ADAMTS9: variants seen among roughly 807,000 people sequenced by gnomAD.
ADAMTS9 encodes A disintegrin and metalloproteinase with thrombospondin motifs 9.
Under a neutral mutation model 257.1 loss-of-function variants are expected in ADAMTS9, and 107 were observed. The observed-to-expected ratio is 0.42, with a 90% CI of 0.36 to 0.49. The LOEUF (loss-of-function observed/expected upper bound fraction) is 0.49, where lower values mean the gene tolerates loss of function less well. Among genes scored for constraint, ADAMTS9 ranks in the 20% least tolerant of loss-of-function variants. ADAMTS9 has a pLI of 0.03. For synonymous variants in ADAMTS9, 982 were observed against 880.9 expected, an observed-to-expected ratio of 1.11 and a Z score of -2.03; for missense variants, 2,353 against 2,469.1, an observed-to-expected ratio of 0.95 and a Z score of 1.00.
At chr3:64,626,740 C>G (rs1700231330) in intron 16 of ADAMTS9, among the ~76,000 whole-genome samples, 1 of 152,078 alleles carries the variant, frequency 6.6e-6, no homozygotes, top group South Asian at 2.1e-4. Context: ...AGATCCCAAC[C>G]CATAGTAGGT....
intron 3 of ADAMTS9, among the ~76,000 whole-genome samples, chr3:64,674,092 G>GT (rs11315795): frequency 1.5e-3 from 84 of 55,768 alleles, no homozygotes; most frequent in African/African-American, 5.3e-3. Context: ...TAACACTAAA[G>GT]TTTTTTTTTA....
chr3:64,588,788 G>C (rs1047678480), intron 28 of ADAMTS9: 1 of 152,140 alleles, frequency 6.6e-6, no homozygotes. Context: ...TACAATCTCT[G>C]TAAATACTGA....
At chr3:64,628,462 C>G (rs558861712) in intron 16 of ADAMTS9, among the ~76,000 whole-genome samples, 2 of 152,168 alleles carry the variant, frequency 1.3e-5, no homozygotes, top group Admixed American at 6.6e-5. Flanking sequence ...GCATGCAATG[C>G]TGTTTCATTT....
At chr3:64,681,545 A>G (rs1288392737) in intron 2 of ADAMTS9, among the ~76,000 whole-genome samples, 182 bp from the exon 3 acceptor site, 1 of 152,184 alleles carries the variant, frequency 6.6e-6, no homozygotes, top group Non-Finnish European at 1.5e-5. Flanking sequence ...ACTCTCTGTC[A>G]TATCAGTATA....
At chr3:64,608,279 A>C (rs2084598633) in intron 22 of ADAMTS9, among the ~76,000 whole-genome samples, 1 of 150,406 alleles carries the variant, frequency 6.6e-6, no homozygotes, top group African/African-American at 2.4e-5. Context: ...AAAAAAAACA[A>C]GAAAAGGAAG....
intron 30 of ADAMTS9, among the ~76,000 whole-genome samples, chr3:64,553,461 A>G (rs779273194): frequency 4.3e-4 from 66 of 152,318 alleles, no homozygotes; most frequent in Middle Eastern, 3.4e-3. Flanking sequence ...GTTGATGGAC[A>G]TATGGGTTGT....
At chr3:64,657,057 G>A (rs1356651258) in intron 4 of ADAMTS9, among the ~76,000 whole-genome samples, 2 of 152,158 alleles carry the variant, frequency 1.3e-5, no homozygotes, top group Admixed American at 6.5e-5. Flanking sequence ...ACAGCAATGT[G>A]TAATACAGTA....
intron 2 of ADAMTS9, among the ~76,000 whole-genome samples, chr3:64,682,184 G>A (rs77726781): frequency 0.1 from 15,743 of 152,206 alleles, 1,395 homozygotes; most frequent in African/African-American, 0.22. Context: ...CCTTGGGCAA[G>A]TTCCTTAACC....
intron 39 of ADAMTS9, among the ~76,000 whole-genome samples, chr3:64,518,909 C>G (rs1460318430): frequency 6.6e-6 from 1 of 151,344 alleles, no homozygotes; most frequent in Non-Finnish European, 1.5e-5. Flanking sequence ...TCCCAAGTAG[C>G]TAGGACTACA....
chr3:64,686,820 G>A lies in ADAMTS9; in HGVS notation c.264C>T (p.Ser88=), dbSNP rs765087523. The change falls in exon 2 of 40, where the codon TCC becomes TCT. Residue 88 remains serine (S), a synonymous_variant. Coordinates refer to ENST00000498707, the MANE Select transcript of ADAMTS9 (RefSeq NM_182920.2). The surrounding 1 kb of genome is among the most constrained non-coding windows in gnomAD (Gnocchi z 4.6). Reference sequence around the variant, plus strand: ...GGGAGGAGGTAGAGGAGGAAGAGGAGGAGGCGAAGGCAGGCCAGGGGTCAG... The same window carrying A: ...GGGAGGAGGTAGAGGAGGAAGAGGAAGAGGCGAAGGCAGGCCAGGGGTCAG... ...SATDPWPAFA[S]SSSSSTSSQA... is the part of the protein sequence containing the mutation. 9 of 1,614,122 alleles carry A rather than the reference G, an allele frequency of 5.6e-6. No individual in the cohort carries two copies. Among genetic ancestry groups the A allele is most frequent in the Non-Finnish European group, 7.6e-6 (9 of 1,180,010 alleles).
At chr3:64,596,109 A>G (rs2084359872) in intron 27 of ADAMTS9, among the ~76,000 whole-genome samples, 1 of 152,232 alleles carries the variant, frequency 6.6e-6, no homozygotes, top group Admixed American at 6.5e-5. Context: ...ATACTACCTC[A>G]TATCATGGTC....
At chr3:64,662,736 T>C (rs1486550073) in intron 3 of ADAMTS9, among the ~76,000 whole-genome samples, 1 of 152,118 alleles carries the variant, frequency 6.6e-6, no homozygotes, top group Admixed American at 6.6e-5. Context: ...TCATAGGAAA[T>C]GTCTAAAACT....
At chr3:64,600,932 T>C (rs1371786486) in intron 26 of ADAMTS9, among the ~76,000 whole-genome samples, 2 of 152,180 alleles carry the variant, frequency 1.3e-5, no homozygotes, top group Non-Finnish European at 2.9e-5. Flanking sequence ...AGGAAACTAA[T>C]AGTAAACAAT....
Position 64,613,239 on chromosome 3 carries a change from AC to A in ADAMTS9, c.3354+105del, listed in dbSNP as rs761697201. The A allele has an allele frequency of 1.1e-4, 148 of 1,393,620 alleles. 1 individual carries two copies. In the Admixed American group the frequency reaches 2.8e-3, roughly 27 times the overall value. 86.3% of individuals were successfully genotyped at this position (1,393,620 alleles called of 1,614,324 possible). A position where few individuals can be genotyped will look rare whatever the true frequency, so the allele number is the denominator to read the frequency against. On this transcript the variant is annotated intron_variant, in intron 22 of 39. Coordinates refer to ENST00000498707, the MANE Select transcript of ADAMTS9 (RefSeq NM_182920.2). ...GTGCCATGGAGGTGTCCTGCATGCC[AC>A]CCGGCACAGCGGTTAAATCTCCACC... is the stretch of plus-strand genomic sequence containing the variant.
At chr3:64,648,691 T>A (rs1321986964) in intron 10 of ADAMTS9, among the ~76,000 whole-genome samples, 1 of 152,198 alleles carries the variant, frequency 6.6e-6, no homozygotes, top group Admixed American at 6.5e-5. Context: ...TTTTCTCCCC[T>A]TTTAGAGTTG....
At chr3:64,633,365 C>T in intron 14 of ADAMTS9, 107 bp downstream of exon 14, 1 of 1,499,264 alleles carries the variant, frequency 6.7e-7, no homozygotes, top group Non-Finnish European at 9.0e-7. Flanking sequence ...AACCACTGCC[C>T]TGGCAACAGT....
chr3:64,604,714 T>C (rs982823015), intron 23 of ADAMTS9, among the ~76,000 whole-genome samples: 4 of 152,200 alleles, frequency 2.6e-5, no homozygotes, highest in Admixed American at 2.6e-4. Context: ...TGTTCTCACA[T>C]TTCAATTAAT....
Position 64,568,641 on chromosome 3 carries a change from C to T in ADAMTS9, c.4357-106G>A, listed in dbSNP as rs1275661726. 9 of 1,336,754 alleles carry T rather than the reference C, an allele frequency of 6.7e-6. No homozygotes were observed. In the Admixed American group the frequency reaches 1.1e-4, roughly 16 times the overall value. 82.8% of individuals were successfully genotyped at this position (1,336,754 alleles called of 1,614,324 possible). On this transcript the variant is annotated intron_variant, in intron 28 of 39. Coordinates refer to ENST00000498707, the MANE Select transcript of ADAMTS9 (RefSeq NM_182920.2). Reference sequence around the variant, plus strand: ...TAAGACAATGCCTAACAAGAGTTACCATTCCCCTCTTTTACAGCGCCAGTT... The same window carrying T: ...TAAGACAATGCCTAACAAGAGTTACTATTCCCCTCTTTTACAGCGCCAGTT...
chr3:64,578,393 A>G (rs569995510), intron 28 of ADAMTS9, among the ~76,000 whole-genome samples: 3 of 152,328 alleles, frequency 2.0e-5, no homozygotes, highest in African/African-American at 7.2e-5. Flanking sequence ...TTGGCATTGA[A>G]AAAGGCTAAA....
Sources: allele counts gnomAD v4.1 joint callset (sites outside exome capture counted in the v4.1 genomes callset), GRCh38; gene constraint gnomAD v4.1.1; non-coding constraint Gnocchi (gnomAD v3.1); transcripts MANE v1.5; gene names NCBI Gene and HGNC (gene_info 2026-07-23, HGNC 2026-07-21).